Variants in PALD1 observed in about 807,000 individuals in gnomAD.
PALD1 encodes phosphatase domain containing paladin 1.
In PALD1, 57 loss-of-function variants were observed where a neutral mutation model predicts 96.0. The ratio of observed to expected loss-of-function variants is 0.59; its 90% confidence interval spans 0.48 to 0.74. PALD1 has a LOEUF of 0.74. Ranked by LOEUF, PALD1 falls within the 30% of genes least tolerant of loss-of-function variation. The pLI is 0.00. For synonymous variants in PALD1, 464 were observed against 473.6 expected (o/e 0.98, Z 0.26); for missense variants, 1,063 against 1,143.7 (o/e 0.93, Z 1.02).
chr10:70,550,988 G>T (rs1847467506), intron 18 of PALD1, among the ~76,000 whole-genome samples: 1 of 152,194 alleles, frequency 6.6e-6, no homozygotes, highest in Non-Finnish European at 1.5e-5. Flanking sequence ...TATATACCTA[G>T]GAGTGGAATT....
At chr10:70,464,828 A>G in the PALD1 span, among the ~76,000 whole-genome samples, 7 of 151,356 alleles carry the variant, frequency 4.6e-5, no homozygotes, top group African/African-American at 1.7e-4. Flanking sequence ...GGGTTTCACC[A>G]TGTTGGCCAG....
chr10:70,515,535 T>G (rs1846603454), intron 1 of PALD1, among the ~76,000 whole-genome samples: 2 of 152,230 alleles, frequency 1.3e-5, no homozygotes, highest in Non-Finnish European at 1.5e-5. Flanking sequence ...CTAGTCCTGG[T>G]CCTGAAGGTT....
chr10:70,564,610 C>T (rs940203733), intron 19 of PALD1, 91 bp downstream of exon 19: 53 of 1,258,174 alleles, frequency 4.2e-5, no homozygotes, highest in South Asian at 3.3e-4. Context: ...ACATGGCCTG[C>T]GGGGACCCCG....
At position 70,522,557 on chromosome 10, in the gene PALD1, C is replaced by G. The variant is rs187043172; in HGVS notation, c.-29-3366C>G. On this transcript the variant is annotated intron_variant, in intron 1 of 19. Transcript: ENST00000263563. The stretch of plus-strand genomic sequence containing the variant: ...GTGGCGTGAAAATGGCTGTGAGCTC[C>G]GTGGGCACTGCCTCACACTCCATTG... 2.6e-5 allele frequency among the ~76,000 whole-genome samples: 4 copies of G among 152,304 alleles called. No homozygotes were observed. The East Asian group carries it at 7.7e-4, about 29-fold the overall frequency.
At chr10:70,506,891 T>TG (rs1846401617) in intron 1 of PALD1, among the ~76,000 whole-genome samples, 1 of 152,086 alleles carries the variant, frequency 6.6e-6, no homozygotes, top group Non-Finnish European at 1.5e-5. Context: ...CCTTCTCACC[T>TG]GGGGGTGGGG....
chr10:70,550,856 G>T (rs7086726), intron 18 of PALD1, among the ~76,000 whole-genome samples: 2 of 152,106 alleles, frequency 1.3e-5, no homozygotes, highest in Non-Finnish European at 2.9e-5. Flanking sequence ...CATTATGTCT[G>T]TCTGTTTATC....
At chr10:70,543,465 T>C (rs995045944) in intron 17 of PALD1, among the ~76,000 whole-genome samples, 1 of 152,242 alleles carries the variant, frequency 6.6e-6, no homozygotes, top group Non-Finnish European at 1.5e-5. Context: ...TCCAATGTCA[T>C]GAAGCTTCTC....
Position 70,534,770 on chromosome 10 carries a change from T to A in PALD1, c.1154T>A (p.Leu385Ter). The A allele has an allele frequency of 6.2e-7, 1 of 1,611,946 alleles. No individual in the cohort carries two copies. The highest frequency in any genetic ancestry group is 1.1e-5 in the South Asian group (1 of 90,508). The change falls in exon 10 of 20, where the codon TTG (leucine) becomes TAG (stop). Residue 385 changes from leucine (L) to a stop codon, truncating the protein, a stop_gained. Transcript: ENST00000263563. LOFTEE classifies it high-confidence loss of function. The part of the protein sequence containing the change: ...VDRAITACAE[L>*]HDLKEVVLEN... The stretch of plus-strand genomic sequence containing the variant: ...AGAGCCATCACTGCCTGTGCCGAGT[T>A]GCATGACCTGAAAGAAGTGGTCTTG...
intron 1 of PALD1, among the ~76,000 whole-genome samples, chr10:70,520,938 C>T (rs1483350121): frequency 6.6e-6 from 1 of 151,954 alleles, no homozygotes; most frequent in South Asian, 2.1e-4. Context: ...ATGATCCGCC[C>T]GCCTCAGCCT....
chr10:70,542,743 T>C (rs1420080704), intron 17 of PALD1, among the ~76,000 whole-genome samples: 1 of 152,204 alleles, frequency 6.6e-6, no homozygotes, highest in African/African-American at 2.4e-5. Context: ...AAATGCATAG[T>C]GCACGTAGCT....
At chr10:70,564,192 A>AC (rs1847793851) in intron 18 of PALD1, among the ~76,000 whole-genome samples, 172 bp from the exon 19 acceptor site, 1 of 152,082 alleles carries the variant, frequency 6.6e-6, no homozygotes, top group Non-Finnish European at 1.5e-5. Context: ...TGGGCTCCTG[A>AC]CCCGCGGCCC....
At chr10:70,548,612 G>T (rs2132417187) in intron 18 of PALD1, among the ~76,000 whole-genome samples, 1 of 152,300 alleles carries the variant, frequency 6.6e-6, no homozygotes, top group South Asian at 2.1e-4. Flanking sequence ...AGGATTCCAT[G>T]GTGCTGAGAG....
chr10:70,498,883 G>A (rs925041083), intron 1 of PALD1, among the ~76,000 whole-genome samples: 4 of 150,760 alleles, frequency 2.7e-5, no homozygotes, highest in East Asian at 1.9e-4. Flanking sequence ...AGCCAAGATC[G>A]CCCCATTGCA....
Position 70,532,785 on chromosome 10 carries a change from C to T in PALD1, c.794+4C>T, listed in dbSNP as rs372414859. 2.7e-5 allele frequency: 43 copies of T among 1,613,768 alleles called. No homozygotes were observed. The African/African-American group carries it at 4.0e-4, about 15-fold the overall frequency. On this transcript the variant is annotated splice_donor_region_variant and intron_variant, in intron 6 of 19. Transcript: ENST00000263563. ...TCTTCCTGCAGCCCACCTACAGGTA[C>T]CACAGGGCCACCCCCAGCCCTGGCC...
intron 1 of PALD1, among the ~76,000 whole-genome samples, chr10:70,505,387 G>C (rs1846365828): frequency 6.6e-6 from 1 of 152,020 alleles, no homozygotes; most frequent in South Asian, 2.1e-4. Flanking sequence ...CCTGAGGTCG[G>C]GGGTTCGAGA....
intron 17 of PALD1, among the ~76,000 whole-genome samples, chr10:70,546,683 T>C (rs1847371062): frequency 1.3e-5 from 2 of 152,210 alleles, no homozygotes; most frequent in Admixed American, 1.3e-4. Context: ...AGCTGGAAAG[T>C]TAATGGAATA....
At chr10:70,487,749 A>G (rs1564681952) in intron 1 of PALD1, among the ~76,000 whole-genome samples, 1 of 152,178 alleles carries the variant, frequency 6.6e-6, no homozygotes, top group Non-Finnish European at 1.5e-5. Flanking sequence ...TGTGCACCAT[A>G]AAATACACCT....
rs1247625775 is a variant in PALD1, at chr10:70,533,002, C to T, written c.802C>T (p.Arg268Cys). Residue 268 changes from arginine to cysteine, a missense_variant, in exon 7 of 20, where the codon CGC becomes TGC. By Grantham distance (180) the Arg-to-Cys change is radical. Coordinates refer to ENST00000263563, the MANE Select transcript of PALD1 (RefSeq NM_014431.3). ...CTCTCCCTCACCTGGCAGGTACCAC[C>T]GCCTGCCCCTGCCCGAGCAAGGGAG... Reference protein sequence around the residue: ...LFLQPTYRYHRLPLPEQGSPL... With the variant: ...LFLQPTYRYHCLPLPEQGSPL... 7 of 1,578,256 alleles carry T rather than the reference C, an allele frequency of 4.4e-6. No homozygotes were observed. Among genetic ancestry groups the T allele is most frequent in the South Asian group, 1.2e-5 (1 of 86,614 alleles).
intron 2 of PALD1, among the ~76,000 whole-genome samples, chr10:70,528,315 T>G (rs1846913919): frequency 6.6e-6 from 1 of 152,234 alleles, no homozygotes; most frequent in African/African-American, 2.4e-5. Context: ...TACAGAAATC[T>G]TGATTTTTAT....
Sources: gnomAD v4.1 joint callset for allele counts (sites outside exome capture counted in the v4.1 genomes callset) on GRCh38, gnomAD v4.1.1 for gene constraint, MANE v1.5 for transcripts, NCBI Gene and HGNC (gene_info 2026-07-23, HGNC 2026-07-21) for gene names.